The following LRRC4C variants were observed in gnomAD, a reference collection of about 807,000 sequenced individuals.
LRRC4C encodes leucine rich repeat containing 4C, also known as leucine-rich repeat-containing protein 4C.
A neutral mutation model predicts 33.6 loss-of-function variants in LRRC4C; 5 were observed. The ratio of observed to expected loss-of-function variants is 0.15; its 90% CI spans 0.08 to 0.31. The LOEUF (loss-of-function observed/expected upper bound fraction) is 0.31, where lower values mean the gene tolerates loss of function less well. LRRC4C is among the 10% of genes least tolerant of loss of function. LRRC4C has a pLI of 1.00. For missense variants in LRRC4C, 560 were observed against 796.7 expected, an observed-to-expected ratio of 0.70 and a Z score of 3.58; for synonymous variants, 329 against 302.0, an observed-to-expected ratio of 1.09 and a Z score of -0.93.
At chr11:40,264,157 T>G (rs1942073696) in intron 4 of LRRC4C, among the ~76,000 whole-genome samples, 1 of 152,154 alleles carries the variant, frequency 6.6e-6, no homozygotes, top group African/African-American at 2.4e-5. Context: ...ACCTACTAAA[T>G]CCATAAGTGC....
intron 5 of LRRC4C, among the ~76,000 whole-genome samples, chr11:40,148,261 T>C (rs1292647428): frequency 1.3e-5 from 2 of 152,202 alleles, no homozygotes; most frequent in Admixed American, 6.5e-5. Flanking sequence ...ATTGCCGCAC[T>C]GTTTTCCACA....
At chr11:40,979,773 A>T (rs1408920457) in intron 1 of LRRC4C, among the ~76,000 whole-genome samples, 3 of 152,226 alleles carry the variant, frequency 2.0e-5, no homozygotes, top group Admixed American at 1.3e-4. Context: ...AATGAAACAT[A>T]TTCCTTGTCT....
At chr11:40,172,899 G>A (rs746381826) in intron 5 of LRRC4C, among the ~76,000 whole-genome samples, 2 of 152,092 alleles carry the variant, frequency 1.3e-5, no homozygotes, top group Non-Finnish European at 2.9e-5. Flanking sequence ...TTGGTTATTA[G>A]GGTAGGCTGT....
intron 2 of LRRC4C, among the ~76,000 whole-genome samples, chr11:40,884,529 A>C (rs924651093): frequency 1.3e-5 from 2 of 152,136 alleles, no homozygotes; most frequent in African/African-American, 4.8e-5. Context: ...CACTCCCACC[A>C]ACAGTGTAAA....
intron 3 of LRRC4C, among the ~76,000 whole-genome samples, chr11:40,530,573 A>G (rs1009368854): frequency 6.6e-6 from 1 of 152,160 alleles, no homozygotes; most frequent in Non-Finnish European, 1.5e-5. Flanking sequence ...AACTATAGAC[A>G]TTATTATTGT....
chr11:41,455,072 C>G (rs780187677), intron 1 of LRRC4C, among the ~76,000 whole-genome samples: 2 of 152,102 alleles, frequency 1.3e-5, no homozygotes, highest in Admixed American at 1.3e-4. Flanking sequence ...ACTACAAAGC[C>G]TGTTCTCAAT....
rs1341297739 is a variant in LRRC4C, at chr11:41,402,178, AAGAG to A, written c.-496+57249_-496+57252del. Among the ~76,000 whole-genome samples the A allele has an allele frequency of 2.6e-5, 4 of 152,194 alleles. No homozygotes were observed. In the East Asian group the frequency reaches 7.8e-4, roughly 30 times the overall value. On this transcript the variant is annotated intron_variant, in intron 1 of 6. Transcript: ENST00000528697. ...AAGGGGACAGAACAAACACTCAAAG[AAGAG>A]AGTTCATCTCATTATTTATCCATGG...
In LRRC4C at chr11:40,206,527, C is replaced by G. The variant is rs1863168850; in HGVS notation, c.-96+34992G>C. Among the ~76,000 whole-genome samples the G allele has an allele frequency of 5.3e-5, 8 of 152,148 alleles. No homozygotes were observed. The South Asian group carries it at 1.7e-3, about 32-fold the overall frequency. ...AAAGTGCTGGGATTACAGGAGTGAG[C>G]CACCGCACCTGGCCTATTGCCATTT... On this transcript the variant is annotated intron_variant, in intron 5 of 6. Transcript: ENST00000528697.
intron 1 of LRRC4C, among the ~76,000 whole-genome samples, chr11:41,045,121 C>A (rs570284557): frequency 6.6e-6 from 1 of 151,976 alleles, no homozygotes; most frequent in Non-Finnish European, 1.5e-5. Context: ...CAGGAATATA[C>A]GTTGATGTCA....
chr11:40,146,731 A>T (rs1217694932), intron 5 of LRRC4C, among the ~76,000 whole-genome samples: 1 of 152,118 alleles, frequency 6.6e-6, no homozygotes, highest in African/African-American at 2.4e-5. Context: ...GTTTTCCTTA[A>T]TTTCTGAATT....
chr11:40,314,233 G>A (rs1206146217), intron 4 of LRRC4C, among the ~76,000 whole-genome samples: 1 of 151,744 alleles, frequency 6.6e-6, no homozygotes, highest in Non-Finnish European at 1.5e-5. Context: ...TAAAAAAATG[G>A]CTAAATGATC....
At chr11:40,547,721 C>T (rs975028600) in intron 3 of LRRC4C, among the ~76,000 whole-genome samples, 1 of 152,044 alleles carries the variant, frequency 6.6e-6, no homozygotes. Context: ...GAGTAGTAGG[C>T]TGTTTAATGC....
chr11:41,188,818 T>C (rs902949744), intron 1 of LRRC4C, among the ~76,000 whole-genome samples: 2 of 151,952 alleles, frequency 1.3e-5, no homozygotes, highest in East Asian at 1.9e-4. Flanking sequence ...CTTAGCTCTC[T>C]TACATATAGA....
intron 5 of LRRC4C, among the ~76,000 whole-genome samples, chr11:40,212,099 T>A (rs1417912478): frequency 1.3e-5 from 2 of 152,232 alleles, no homozygotes; most frequent in Non-Finnish European, 2.9e-5. Flanking sequence ...TAAATTATTC[T>A]AAGAGTCATG....
At chr11:40,313,855 C>T (rs574874430) in intron 4 of LRRC4C, among the ~76,000 whole-genome samples, 10 of 151,952 alleles carry the variant, frequency 6.6e-5, no homozygotes, top group South Asian at 6.2e-4. Context: ...CCTCGTGATC[C>T]GCCTGCCTCG....
At chr11:40,562,156 A>C (rs2135512276) in intron 3 of LRRC4C, among the ~76,000 whole-genome samples, 1 of 152,348 alleles carries the variant, frequency 6.6e-6, no homozygotes, top group Non-Finnish European at 1.5e-5. Context: ...AACAAACCTT[A>C]ACAATTAAAC....
chr11:40,708,059 C>T (rs1056816504), intron 2 of LRRC4C, among the ~76,000 whole-genome samples: 3 of 152,050 alleles, frequency 2.0e-5, no homozygotes, highest in South Asian at 4.1e-4. Flanking sequence ...GTGGTGACAT[C>T]CCCTTTATCA....
chr11:40,128,902 TAA>T (rs562244073), intron 6 of LRRC4C, among the ~76,000 whole-genome samples: 259 of 152,326 alleles, frequency 1.7e-3, no homozygotes, highest in African/African-American at 6.0e-3. Flanking sequence ...TCATATTTAA[TAA>T]GTTACCTATA....
chr11:40,375,219 G>T (rs1445063398), intron 3 of LRRC4C, among the ~76,000 whole-genome samples: 1 of 152,136 alleles, frequency 6.6e-6, no homozygotes, highest in Non-Finnish European at 1.5e-5. Context: ...AAAAATAACT[G>T]GCAAACAGAT....
Sources: allele counts gnomAD v4.1 joint callset (sites outside exome capture counted in the v4.1 genomes callset), GRCh38; gene constraint gnomAD v4.1.1; transcripts MANE v1.5; gene names NCBI Gene and HGNC (gene_info 2026-07-23, HGNC 2026-07-21).